The following PRPF4 variants were observed in gnomAD, a reference collection of about 807,000 sequenced individuals.
PRPF4 encodes the protein U4/U6 small nuclear ribonucleoprotein Prp4.
In PRPF4, 14 loss-of-function variants were observed where a neutral mutation model predicts 72.2. The observed-to-expected ratio is 0.19, with a 90% CI of 0.13 to 0.30. PRPF4 has a LOEUF of 0.30. Among genes scored for constraint, PRPF4 ranks in the 10% least tolerant of loss-of-function variants. The probability of loss-of-function intolerance (pLI) is 1.00; values close to 1 mark genes in which losing one functional copy is unlikely to be tolerated. For synonymous variants in PRPF4, 225 were observed against 232.2 expected (o/e 0.97, Z 0.28); for missense variants, 478 against 653.9 (o/e 0.73, Z 2.93).
chr9:113,292,609 T>A lies in PRPF4; in HGVS notation c.*949T>A, dbSNP rs1040194460. On this transcript the variant is annotated 3_prime_UTR_variant, in exon 14 of 14. Transcript: ENST00000374198. Reference sequence around the variant, plus strand: ...CTTTGTCAGAAAATATCTTTTTTTTTACTTTGAAGTTTGGCAACCTTCATG... The same window carrying A: ...CTTTGTCAGAAAATATCTTTTTTTTAACTTTGAAGTTTGGCAACCTTCATG... 11 of 152,230 alleles carry A rather than the reference T, an allele frequency of 7.2e-5. No individual in the cohort carries two copies. Among genetic ancestry groups the A allele is most frequent in the African/African-American group, 1.9e-4 (8 of 41,458 alleles). The allele number at this position is 152,230 out of a possible 1,614,324, so 9.4% of individuals were successfully genotyped here.
In PRPF4 at chr9:113,278,960, T is replaced by C; in HGVS notation, c.221T>C (p.Ile74Thr). Residue 74 changes from isoleucine to threonine, a missense_variant, in exon 3 of 14, where the codon ATT becomes ACT. Ile to Thr is a moderately conservative substitution (Grantham distance 89). Transcript: ENST00000374198. ...TTTTTAATAGGAGAAGTGTTTGAAA[T>C]TGAAGAGCATATCAGCGAGCGACAG... The part of the protein sequence containing the change: ...INITSGEVFE[I>T]EEHISERQAE... 2 of 1,614,192 alleles carry C rather than the reference T, an allele frequency of 1.2e-6. No individual in the cohort carries two copies. Among genetic ancestry groups the C allele is most frequent in the South Asian group, 2.2e-5 (2 of 91,084 alleles).
At chr9:113,286,104 T>A in intron 7 of PRPF4, 128 bp from the exon 8 acceptor site, 1 of 1,087,664 alleles carries the variant, frequency 9.2e-7, no homozygotes, top group Non-Finnish European at 1.4e-6. Context: ...TATAAGGCTT[T>A]TATTTTTCTG....
At chr9:113,280,094 AT>A (rs1263185976) in intron 3 of PRPF4, among the ~76,000 whole-genome samples, 2 of 152,112 alleles carry the variant, frequency 1.3e-5, no homozygotes, top group African/African-American at 2.4e-5. Flanking sequence ...CCACATTAAA[AT>A]TGCTCTTTGT....
At position 113,285,457 on chromosome 9, in the gene PRPF4, C is replaced by T. The variant is rs535221544; in HGVS notation, c.750-775C>T. On this transcript the variant is annotated intron_variant, in intron 7 of 13. Coordinates refer to ENST00000374198, the MANE Select transcript of PRPF4 (RefSeq NM_001244926.2). Reference sequence around the variant, plus strand: ...GCAGTGGCGCGATCTCGGCTCACTGCAAGCTCCACCTCCTGGGTTCACGCC... The same window carrying T: ...GCAGTGGCGCGATCTCGGCTCACTGTAAGCTCCACCTCCTGGGTTCACGCC... 2.0e-4 allele frequency among the ~76,000 whole-genome samples: 28 copies of T among 140,946 alleles called. No homozygotes were observed. In the East Asian group the frequency reaches 2.1e-3, roughly 11 times the overall value. 92.5% of individuals were successfully genotyped at this position (140,946 alleles called of 152,430 possible). A position where few individuals can be genotyped will look rare whatever the true frequency, so the allele number is the denominator to read the frequency against.
At chr9:113,283,242 CAT>C in intron 5 of PRPF4, 31 bp downstream of exon 5, 1 of 1,614,036 alleles carries the variant, frequency 6.2e-7, no homozygotes, top group Non-Finnish European at 8.5e-7. Context: ...AAGAAAGAAG[CAT>C]ATTTTTTGTG....
intron 7 of PRPF4, 104 bp from the exon 8 acceptor site, chr9:113,286,128 A>G: frequency 7.7e-7 from 1 of 1,291,456 alleles, no homozygotes; most frequent in Non-Finnish European, 1.1e-6. Context: ...GCCATTGTAA[A>G]GTTTATTGGG....
chr9:113,291,681 T>G lies in PRPF4; in HGVS notation c.*21T>G, dbSNP rs1340395536. ...AATAGATGACAATGGGAAAAGGACT[T>G]GAACCTCAAGCTCTCTCTAAGGAGC... On this transcript the variant is annotated 3_prime_UTR_variant, in exon 14 of 14. Transcript: ENST00000374198. 1.9e-6 allele frequency: 3 copies of G among 1,611,084 alleles called. No individual in the cohort carries two copies. The highest frequency in any genetic ancestry group is 2.5e-6 in the Non-Finnish European group (3 of 1,177,676).
chr9:113,289,641 G>T (rs1354940083), intron 10 of PRPF4, among the ~76,000 whole-genome samples: 2 of 152,020 alleles, frequency 1.3e-5, no homozygotes, highest in Admixed American at 6.6e-5. Flanking sequence ...ATTTCCATGT[G>T]CATAGTCAGT....
intron 7 of PRPF4, 132 bp from the exon 8 acceptor site, chr9:113,286,100 G>A (rs1029706652): frequency 2.1e-5 from 22 of 1,029,102 alleles, no homozygotes; most frequent in Admixed American, 1.0e-4. Flanking sequence ...TAACTATAAG[G>A]CTTTTATTTT....
chr9:113,279,270 A>G, intron 3 of PRPF4, 139 bp downstream of exon 3: 1 of 798,232 alleles, frequency 1.3e-6, no homozygotes, highest in Non-Finnish European at 1.9e-6. Context: ...TATATGAGTT[A>G]GCCCATAATC....
At chr9:113,281,057 G>A (rs896502394) in intron 3 of PRPF4, among the ~76,000 whole-genome samples, 1 of 151,962 alleles carries the variant, frequency 6.6e-6, no homozygotes, top group Non-Finnish European at 1.5e-5. Flanking sequence ...GCCAGGTGTT[G>A]AACACCTCCT....
At chr9:113,276,002 C>T (rs1258425327) in intron 1 of PRPF4, among the ~76,000 whole-genome samples, 4 of 152,244 alleles carry the variant, frequency 2.6e-5, no homozygotes, top group African/African-American at 7.2e-5. Flanking sequence ...GGGCAAGCAT[C>T]TCTTCCGACT....
At chr9:113,279,815 A>G (rs1227792605) in intron 3 of PRPF4, among the ~76,000 whole-genome samples, 1 of 152,238 alleles carries the variant, frequency 6.6e-6, no homozygotes, top group Non-Finnish European at 1.5e-5. Flanking sequence ...AATGCATTCC[A>G]TATCAATGAC....
chr9:113,288,810 T>C (rs959145542), intron 10 of PRPF4, among the ~76,000 whole-genome samples: 3 of 152,232 alleles, frequency 2.0e-5, no homozygotes, highest in Non-Finnish European at 4.4e-5. Flanking sequence ...ATTTTCACTC[T>C]TGTCCAATGC....
intron 3 of PRPF4, among the ~76,000 whole-genome samples, chr9:113,282,365 G>A (rs1423560583): frequency 6.6e-6 from 1 of 152,172 alleles, no homozygotes; most frequent in South Asian, 2.1e-4. Context: ...CCAGCCACTC[G>A]GGAGGCTGGA....
At chr9:113,289,518 G>A (rs147291154) in intron 10 of PRPF4, among the ~76,000 whole-genome samples, 2 of 152,316 alleles carry the variant, frequency 1.3e-5, no homozygotes, top group Non-Finnish European at 2.9e-5. Context: ...TCTAGCAGGT[G>A]TGTAGTGATC....
chr9:113,287,309 A>G (rs149315172), intron 9 of PRPF4, among the ~76,000 whole-genome samples: 1,645 of 152,320 alleles, frequency 0.011, 10 homozygotes, highest in Non-Finnish European at 0.015. Context: ...TGAACTAAAT[A>G]TAATATTCTT....
chr9:113,287,494 A>G (rs1346893419), intron 9 of PRPF4, among the ~76,000 whole-genome samples: 1 of 152,208 alleles, frequency 6.6e-6, no homozygotes, highest in African/African-American at 2.4e-5. Flanking sequence ...CAAAAAAAAA[A>G]AAACTTCGGA....
intron 9 of PRPF4, among the ~76,000 whole-genome samples, chr9:113,287,408 A>G (rs1479260737): frequency 6.6e-6 from 1 of 152,196 alleles, no homozygotes; most frequent in Non-Finnish European, 1.5e-5. Context: ...GTCTCCTCGC[A>G]ATAGCATCAT....
Sources: allele counts gnomAD v4.1 joint callset (sites outside exome capture counted in the v4.1 genomes callset), GRCh38; gene constraint gnomAD v4.1.1; transcripts MANE v1.5; gene names NCBI Gene and HGNC (gene_info 2026-07-23, HGNC 2026-07-21).